Variants in MGAT4C observed in about 807,000 individuals in gnomAD.
MGAT4C encodes the protein MGAT4 family member C.
A neutral mutation model predicts 40.1 loss-of-function variants in MGAT4C; 19 were observed. The ratio of observed to expected loss-of-function variants is 0.47; its 90% CI spans 0.33 to 0.70. The LOEUF is 0.70. MGAT4C is among the 30% of genes least tolerant of loss of function. MGAT4C has a pLI of 0.02. For synonymous variants in MGAT4C, 181 were observed against 187.1 expected (o/e 0.97, Z 0.27); for missense variants, 491 against 563.2 (o/e 0.87, Z 1.30).
At chr12:86,289,071 C>T (rs1017110924) in intron 4 of MGAT4C, among the ~76,000 whole-genome samples, 2 of 151,960 alleles carry the variant, frequency 1.3e-5, no homozygotes, top group African/African-American at 4.8e-5. Context: ...ATTAATCCAT[C>T]TTGATTTTTG....
intron 1 of MGAT4C, among the ~76,000 whole-genome samples, chr12:86,131,473 C>T (rs142294667): frequency 1.5e-3 from 227 of 152,212 alleles, no homozygotes; most frequent in African/African-American, 5.3e-3. Flanking sequence ...AGCTGATACA[C>T]ATGATCTACA....
chr12:86,210,642 CACTT>C (rs1950426096), intron 1 of MGAT4C, among the ~76,000 whole-genome samples: 1 of 152,184 alleles, frequency 6.6e-6, no homozygotes, highest in Non-Finnish European at 1.5e-5. Flanking sequence ...ACACAATCAT[CACTT>C]ACATTTACCT....
chr12:86,054,009 C>T (rs1216285886), intron 1 of MGAT4C, among the ~76,000 whole-genome samples: 1 of 151,870 alleles, frequency 6.6e-6, no homozygotes, highest in African/African-American at 2.4e-5. Context: ...TAAATTAGTA[C>T]AGCCGCTATG....
At chr12:86,426,117 G>T (rs370206415) in intron 3 of MGAT4C, among the ~76,000 whole-genome samples, 1 of 151,994 alleles carries the variant, frequency 6.6e-6, no homozygotes, top group African/African-American at 2.4e-5. Flanking sequence ...AACTTATTTT[G>T]CAGTCATTCA....
At chr12:86,322,623 G>A (rs1379562504) in intron 4 of MGAT4C, among the ~76,000 whole-genome samples, 1 of 151,802 alleles carries the variant, frequency 6.6e-6, no homozygotes, top group South Asian at 2.1e-4. Context: ...GGCATCTGCT[G>A]GTAGAGCTGT....
intron 1 of MGAT4C, among the ~76,000 whole-genome samples, chr12:86,792,298 C>A (rs2136194042): frequency 6.6e-6 from 1 of 152,170 alleles, no homozygotes; most frequent in South Asian, 2.1e-4. Flanking sequence ...ATAACCAATA[C>A]TTGTTTAAAA....
intron 1 of MGAT4C, among the ~76,000 whole-genome samples, chr12:86,050,920 C>T (rs138504631): frequency 6.6e-6 from 1 of 152,068 alleles, no homozygotes; most frequent in African/African-American, 2.4e-5. Flanking sequence ...GGACCTAAAA[C>T]CAGATTTCAT....
At chr12:86,615,735 C>A (rs1401079853) in intron 2 of MGAT4C, among the ~76,000 whole-genome samples, 10 of 152,030 alleles carry the variant, frequency 6.6e-5, no homozygotes, top group Non-Finnish European at 7.4e-5. Context: ...CACATCAAAT[C>A]CATGACCCTG....
rs1275702080 is a variant in MGAT4C, at chr12:86,452,183, ATTCT to A, written c.-228-16922_-228-16919del. On this transcript the variant is annotated intron_variant, in intron 2 of 7. Coordinates refer to the MGAT4C transcript ENST00000548651. ...AAAGTGTGCAGTACTAACTAGGGCCATTCTTTTTTTTTTCTTTTTTTTTTATATA... is the reference window on the plus strand; with the variant it reads ...AAAGTGTGCAGTACTAACTAGGGCCATTTTTTTTTCTTTTTTTTTTATATA... Among the ~76,000 whole-genome samples the A allele has an allele frequency of 2.7e-5, 4 of 149,168 alleles. No individual in the cohort carries two copies. The East Asian group carries it at 7.8e-4, about 29-fold the overall frequency.
intron 1 of MGAT4C, among the ~76,000 whole-genome samples, chr12:86,116,219 T>G (rs1206935795): frequency 4.6e-5 from 7 of 151,866 alleles, no homozygotes; most frequent in Admixed American, 6.6e-5. Flanking sequence ...TTCTTCTCGA[T>G]GGGAAGCAAG....
intron 1 of MGAT4C, among the ~76,000 whole-genome samples, chr12:86,118,833 G>A (rs1284113843): frequency 1.3e-5 from 2 of 152,156 alleles, no homozygotes; most frequent in Non-Finnish European, 1.5e-5. Context: ...AACAGTAGAT[G>A]ACCAGAAAGC....
At chr12:86,778,018 A>T (rs2136178549) in intron 1 of MGAT4C, among the ~76,000 whole-genome samples, 1 of 152,322 alleles carries the variant, frequency 6.6e-6, no homozygotes, top group South Asian at 2.1e-4. Context: ...GTAAGGAGAT[A>T]AATACAGCCT....
intron 2 of MGAT4C, among the ~76,000 whole-genome samples, chr12:86,011,394 T>TA (rs755274995): frequency 1.1e-4 from 17 of 152,218 alleles, no homozygotes; most frequent in Non-Finnish European, 2.4e-4. Flanking sequence ...ACAGAGAATA[T>TA]AAAAAATCCA....
intron 3 of MGAT4C, among the ~76,000 whole-genome samples, chr12:86,408,450 T>A (rs2136242759): frequency 1.3e-5 from 1 of 77,706 alleles, no homozygotes; most frequent in South Asian, 4.7e-4. Flanking sequence ...CATAGTAAAC[T>A]CTCTCTCTCT....
At chr12:86,376,838 G>GAGAC (rs1955835281) in intron 3 of MGAT4C, among the ~76,000 whole-genome samples, 1 of 71,686 alleles carries the variant, frequency 1.4e-5, no homozygotes, top group African/African-American at 3.8e-5. Context: ...GAGAGAGAGA[G>GAGAC]AGAGACAGAG....
chr12:86,715,609 A>T (rs907493121), intron 2 of MGAT4C, among the ~76,000 whole-genome samples: 3 of 152,140 alleles, frequency 2.0e-5, no homozygotes, highest in Non-Finnish European at 4.4e-5. Flanking sequence ...CCAAGCTTCA[A>T]TCGCAAAGCT....
At chr12:86,195,218 A>G (rs1162855064) in intron 1 of MGAT4C, among the ~76,000 whole-genome samples, 1 of 152,208 alleles carries the variant, frequency 6.6e-6, no homozygotes, top group African/African-American at 2.4e-5. Flanking sequence ...ACTGCTTGGT[A>G]TAATTCTTCT....
intron 2 of MGAT4C, among the ~76,000 whole-genome samples, chr12:86,444,753 G>C (rs536900157): frequency 2.6e-5 from 4 of 151,894 alleles, no homozygotes; most frequent in Non-Finnish European, 4.4e-5. Context: ...TCTGAGGTAC[G>C]GTTCTGTAGT....
At chr12:86,390,919 T>G (rs1378619589) in intron 3 of MGAT4C, among the ~76,000 whole-genome samples, 4 of 152,172 alleles carry the variant, frequency 2.6e-5, no homozygotes, top group African/African-American at 9.7e-5. Flanking sequence ...TTCTTCTAAT[T>G]CTACAACCCG....
Sources: gnomAD v4.1 joint callset for allele counts (sites outside exome capture counted in the v4.1 genomes callset) on GRCh38, gnomAD v4.1.1 for gene constraint, MANE v1.5 for transcripts, NCBI Gene and HGNC (gene_info 2026-07-23, HGNC 2026-07-21) for gene names.